The following SMPD3 variants were observed in gnomAD, a reference collection of about 807,000 sequenced individuals.
SMPD3 encodes the protein nSMase-2.
SMPD3 carries 21 observed loss-of-function variants against 55.7 expected under a neutral mutation model. The observed-to-expected ratio is 0.38, with a 90% CI of 0.27 to 0.54. The LOEUF is 0.54. Among genes scored for constraint, SMPD3 ranks in the 20% least tolerant of loss-of-function variants. The pLI, the probability that SMPD3 is intolerant of heterozygous loss-of-function variation, is 0.80. For synonymous variants in SMPD3, 457 were observed against 404.3 expected (o/e 1.13, Z -1.56); for missense variants, 842 against 899.6 (o/e 0.94, Z 0.82).
chr16:68,378,809 C>G (rs551556154), intron 2 of SMPD3, among the ~76,000 whole-genome samples: 5 of 152,326 alleles, frequency 3.3e-5, no homozygotes, highest in Admixed American at 3.3e-4. Flanking sequence ...GGAAAGAGGC[C>G]TGCATTTTAT....
rs537269520 is a variant in SMPD3 at position 68,372,182 on chromosome 16, C to T, written c.-1G>A. ...GAAAGGGGGTCGTGTACAAAACCATCGCAGCTCACTGGGCGCCGCAGCCGG... is the reference window on the plus strand; with the variant it reads ...GAAAGGGGGTCGTGTACAAAACCATTGCAGCTCACTGGGCGCCGCAGCCGG... On this transcript the variant is annotated 5_prime_UTR_variant, in exon 3 of 9. Coordinates refer to ENST00000219334, the MANE Select transcript of SMPD3 (RefSeq NM_018667.4). 8 of 1,611,176 alleles carry T rather than the reference C, an allele frequency of 5.0e-6. No homozygotes were observed. Among genetic ancestry groups the T allele is most frequent in the African/African-American group, 4.0e-5 (3 of 75,056 alleles).
intron 8 of SMPD3, 73 bp from the exon 9 acceptor site, chr16:68,361,380 A>G (rs949174668): frequency 6.7e-7 from 1 of 1,498,488 alleles, no homozygotes; most frequent in African/African-American, 1.4e-5. Context: ...CGGCCTGGGG[A>G]TCCCCAAAGT....
intron 2 of SMPD3, among the ~76,000 whole-genome samples, chr16:68,385,299 C>T (rs1406996149): frequency 1.3e-5 from 2 of 152,148 alleles, no homozygotes; most frequent in Non-Finnish European, 2.9e-5. Flanking sequence ...GCAAACATAT[C>T]CAGAAATATG....
intron 2 of SMPD3, among the ~76,000 whole-genome samples, chr16:68,376,191 G>A (rs1239663117): frequency 1.3e-5 from 2 of 152,242 alleles, no homozygotes; most frequent in African/African-American, 4.8e-5. Context: ...AAACATTAGA[G>A]GCTGGTAACT....
At chr16:68,442,877 C>A (rs944024547) in intron 1 of SMPD3, among the ~76,000 whole-genome samples, 1 of 152,176 alleles carries the variant, frequency 6.6e-6, no homozygotes, top group African/African-American at 2.4e-5. Context: ...CAAGCGCCCT[C>A]GGGAAAAGCA....
intron 1 of SMPD3, among the ~76,000 whole-genome samples, chr16:68,418,745 CTT>C (rs1271652702): frequency 1.3e-5 from 2 of 152,198 alleles, no homozygotes; most frequent in African/African-American, 2.4e-5. Context: ...TTGGGAAACT[CTT>C]TTGTTCATTT....
chr16:68,378,580 C>A (rs1034541182), intron 2 of SMPD3, among the ~76,000 whole-genome samples: 1 of 152,100 alleles, frequency 6.6e-6, no homozygotes, highest in Non-Finnish European at 1.5e-5. Context: ...CCCCCACCCC[C>A]TCAGTCTGTC....
intron 1 of SMPD3, among the ~76,000 whole-genome samples, chr16:68,445,281 G>A (rs1055017922): frequency 6.6e-6 from 1 of 152,184 alleles, no homozygotes; most frequent in Non-Finnish European, 1.5e-5. Flanking sequence ...GGAGAAAAGA[G>A]TAGTAGAGGT....
chr16:68,426,693 C>T (rs2090438630), intron 1 of SMPD3, among the ~76,000 whole-genome samples: 1 of 152,212 alleles, frequency 6.6e-6, no homozygotes, highest in Non-Finnish European at 1.5e-5. Flanking sequence ...GTACATTCGT[C>T]ATTGCTGTTT....
At chr16:68,365,209 C>CTTG in intron 3 of SMPD3, 117 bp from the exon 4 acceptor site, 1 of 1,028,844 alleles carries the variant, frequency 9.7e-7, no homozygotes, top group Non-Finnish European at 1.5e-6. Context: ...TGGCTCCTGG[C>CTTG]TGGATTCTGG....
At chr16:68,395,629 G>A (rs1203663561) in intron 1 of SMPD3, among the ~76,000 whole-genome samples, 1 of 152,152 alleles carries the variant, frequency 6.6e-6, no homozygotes, top group Non-Finnish European at 1.5e-5. Context: ...GCCCACTTAA[G>A]GGGTGACCCT....
At chr16:68,446,742 C>T (rs2090613094) in intron 1 of SMPD3, among the ~76,000 whole-genome samples, 1 of 152,164 alleles carries the variant, frequency 6.6e-6, no homozygotes, top group Non-Finnish European at 1.5e-5. Flanking sequence ...TGGACCCTGG[C>T]CCACTCACGC....
Position 68,380,072 on chromosome 16 carries a change from T to C in SMPD3, c.-207+6526A>G, listed in dbSNP as rs146353718. 1.8e-3 allele frequency among the ~76,000 whole-genome samples: 281 copies of C among 152,356 alleles called. 4 individuals carry two copies. The highest frequency in any genetic ancestry group is 6.8e-3 in the Middle Eastern group (2 of 294). On this transcript the variant is annotated intron_variant, in intron 2 of 8. Transcript: ENST00000219334. ...AGTTTGAAGACCTGACTGCCCACTC[T>C]CTACCACCTGTCACTCCAAAGTCAT... is the stretch of plus-strand genomic sequence containing the variant.
chr16:68,374,595 G>C (rs2089762122), intron 2 of SMPD3, among the ~76,000 whole-genome samples: 1 of 152,230 alleles, frequency 6.6e-6, no homozygotes, highest in African/African-American at 2.4e-5. Flanking sequence ...ACCCCCGCCT[G>C]CCATCTGGCT....
intron 1 of SMPD3, among the ~76,000 whole-genome samples, chr16:68,388,038 G>T (rs188322635): frequency 6.6e-6 from 1 of 152,270 alleles, no homozygotes; most frequent in African/African-American, 2.4e-5. Context: ...AGCCTCAGAG[G>T]CTCCCTCCTC....
At chr16:68,410,929 G>A (rs2090294249) in intron 1 of SMPD3, among the ~76,000 whole-genome samples, 1 of 152,264 alleles carries the variant, frequency 6.6e-6, no homozygotes, top group Non-Finnish European at 1.5e-5. Context: ...AGTGAGGTCA[G>A]GAATCACTCA....
chr16:68,395,005 C>A (rs2090143215), intron 1 of SMPD3, among the ~76,000 whole-genome samples: 2 of 151,862 alleles, frequency 1.3e-5, no homozygotes, highest in Non-Finnish European at 2.9e-5. Context: ...GCAGAAGAGG[C>A]CCCTGTGGCA....
chr16:68,393,441 AATTT>A (rs2090129742), intron 1 of SMPD3, among the ~76,000 whole-genome samples: 1 of 152,148 alleles, frequency 6.6e-6, no homozygotes, highest in Admixed American at 6.5e-5. Flanking sequence ...ATGGACCAGG[AATTT>A]ATTCAGAGGT....
intron 1 of SMPD3, among the ~76,000 whole-genome samples, chr16:68,425,084 G>A (rs1198986156): frequency 2.6e-5 from 4 of 152,240 alleles, no homozygotes; most frequent in African/African-American, 9.6e-5. Context: ...CTCCCAGGAA[G>A]ATGTGGAAGA....
Sources: allele counts gnomAD v4.1 joint callset (sites outside exome capture counted in the v4.1 genomes callset), GRCh38; gene constraint gnomAD v4.1.1; transcripts MANE v1.5; gene names NCBI Gene and HGNC (gene_info 2026-07-23, HGNC 2026-07-21).